Variants in RGS5 observed in about 807,000 individuals in gnomAD.
The protein encoded by RGS5 is regulator of G-protein signalling 5.
A neutral mutation model predicts 18.9 loss-of-function variants in RGS5; 20 were observed. That is an observed-to-expected ratio of 1.06 (90% CI 0.74 to 1.54). The LOEUF (loss-of-function observed/expected upper bound fraction) is 1.54. Among genes scored for constraint, RGS5 ranks in the 40% most tolerant of loss-of-function variants. The pLI is 0.00. For missense variants in RGS5, 201 were observed against 211.8 expected (o/e 0.95, Z 0.32); for synonymous variants, 57 against 76.2 (o/e 0.75, Z 1.31).
At chr1:163,312,279 C>T (rs1330169610) in intron 1 of RGS5, among the ~76,000 whole-genome samples, 1 of 152,228 alleles carries the variant, frequency 6.6e-6, no homozygotes, top group Admixed American at 6.5e-5. Flanking sequence ...CCCAGCCATG[C>T]TGAACTGCGA....
intron 2 of RGS5, among the ~76,000 whole-genome samples, chr1:163,253,959 G>A (rs1389993964): frequency 6.6e-6 from 1 of 151,630 alleles, no homozygotes; most frequent in Non-Finnish European, 1.5e-5. Context: ...TTTCATCCAT[G>A]TCCCTACAAA....
intron 2 of RGS5, among the ~76,000 whole-genome samples, chr1:163,258,054 G>A (rs918977509): frequency 2.0e-5 from 3 of 152,148 alleles, no homozygotes; most frequent in East Asian, 1.9e-4. Context: ...CTCTCAGCAC[G>A]GCTAGGATGC....
intron 2 of RGS5, among the ~76,000 whole-genome samples, chr1:163,228,356 G>A (rs992478512): frequency 6.6e-6 from 1 of 152,220 alleles, no homozygotes; most frequent in Non-Finnish European, 1.5e-5. Flanking sequence ...CCACATGGAA[G>A]CTGCCAAGGC....
rs1208650030 is a variant in RGS5, at chr1:163,159,124, T to TGTTATTCTG, written c.217+2782_217+2790dup. On this transcript the variant is annotated intron_variant, in intron 3 of 4. Coordinates refer to ENST00000313961, the MANE Select transcript of RGS5 (RefSeq NM_003617.4). Reference sequence around the variant, plus strand: ...GTCTCCCTTGTTCCCTGAACATTGCTGTTATTCTGTTCTTTTTTCAAGGTA... The same window carrying TGTTATTCTG: ...GTCTCCCTTGTTCCCTGAACATTGCTGTTATTCTGGTTATTCTGTTCTTTTTTCAAGGTA... Among the ~76,000 whole-genome samples the TGTTATTCTG allele has an allele frequency of 3.9e-5, 6 of 152,352 alleles. No homozygotes were observed. The East Asian group carries it at 1.2e-3, about 29-fold the overall frequency.
At chr1:163,295,356 G>A (rs1649395984) in intron 2 of RGS5, among the ~76,000 whole-genome samples, 1 of 152,082 alleles carries the variant, frequency 6.6e-6, no homozygotes, top group African/African-American at 2.4e-5. Flanking sequence ...AAAAAACTAG[G>A]TTATAATTTA....
chr1:163,320,896 C>T (rs761442910), intron 1 of RGS5, among the ~76,000 whole-genome samples: 129 of 152,268 alleles, frequency 8.5e-4, no homozygotes, highest in Non-Finnish European at 1.5e-3. Flanking sequence ...ACTTTTTTCA[C>T]ATAATTCAGT....
chr1:163,187,083 T>C (rs960568966), intron 1 of RGS5, among the ~76,000 whole-genome samples: 2 of 152,110 alleles, frequency 1.3e-5, no homozygotes, highest in African/African-American at 4.8e-5. Flanking sequence ...ATGTATCCCT[T>C]TCCCTCAGCT....
At chr1:163,203,752 T>C (rs1202222539), upstream of RGS5, among the ~76,000 whole-genome samples, 1 of 152,172 alleles carries the variant, frequency 6.6e-6, no homozygotes, top group East Asian at 1.9e-4. Context: ...TGTAATTCTT[T>C]GTACCTCCCC....
At chr1:163,287,845 C>T (rs1649182621) in intron 2 of RGS5, among the ~76,000 whole-genome samples, 1 of 152,190 alleles carries the variant, frequency 6.6e-6, no homozygotes, top group Admixed American at 6.5e-5. Context: ...TCCTAATGTT[C>T]CAGCATTGAG....
chr1:163,236,225 A>G (rs1413427547), intron 2 of RGS5, among the ~76,000 whole-genome samples: 1 of 152,038 alleles, frequency 6.6e-6, no homozygotes, highest in Non-Finnish European at 1.5e-5. Flanking sequence ...AAAATTTCCC[A>G]AAACACCTCA....
intron 1 of RGS5, among the ~76,000 whole-genome samples, chr1:163,183,308 G>A (rs190150234): frequency 6.6e-6 from 1 of 152,162 alleles, no homozygotes; most frequent in Non-Finnish European, 1.5e-5. Context: ...ACTGATTCAT[G>A]CATTCAATTC....
intron 1 of RGS5, among the ~76,000 whole-genome samples, chr1:163,179,797 T>C (rs1000571007): frequency 6.6e-5 from 10 of 152,214 alleles, no homozygotes; most frequent in East Asian, 5.8e-4. Context: ...ATATATTTAC[T>C]ATATAAATGA....
intron 1 of RGS5, among the ~76,000 whole-genome samples, chr1:163,210,513 A>T (rs1285175813): frequency 1.3e-5 from 2 of 152,188 alleles, no homozygotes; most frequent in Non-Finnish European, 2.9e-5. Flanking sequence ...GCAGTAGAAT[A>T]TAGGGGTTAA....
chr1:163,202,734 C>G (rs1408324061), intron 1 of RGS5, 58 bp downstream of exon 1: 1 of 1,535,220 alleles, frequency 6.5e-7, no homozygotes, highest in Non-Finnish European at 9.0e-7. Flanking sequence ...GGGCAGCCTC[C>G]CTTGAGTAAA....
intron 1 of RGS5, among the ~76,000 whole-genome samples, chr1:163,195,555 G>A (rs1175642234): frequency 6.6e-6 from 1 of 151,464 alleles, no homozygotes; most frequent in East Asian, 1.9e-4. Flanking sequence ...AACATCAACT[G>A]TACCCCAAAA....
intron 1 of RGS5, among the ~76,000 whole-genome samples, chr1:163,308,109 T>C (rs911622852): frequency 1.3e-5 from 2 of 152,130 alleles, no homozygotes; most frequent in African/African-American, 2.4e-5. Context: ...AAAATTTGAG[T>C]TTCAAACAAG....
intron 1 of RGS5, among the ~76,000 whole-genome samples, chr1:163,311,968 A>T (rs1649876443): frequency 6.6e-6 from 1 of 152,212 alleles, no homozygotes; most frequent in Non-Finnish European, 1.5e-5. Context: ...AGATATGTGA[A>T]GTGCAATAAA....
upstream of RGS5, among the ~76,000 whole-genome samples, chr1:163,205,129 C>A (rs559123298): frequency 6.6e-6 from 1 of 151,802 alleles, no homozygotes; most frequent in East Asian, 1.9e-4. Context: ...GCTCTAGAGG[C>A]AGAAAGTAAA....
chr1:163,299,179 AATTATACT>A (rs1391274338), intron 2 of RGS5, among the ~76,000 whole-genome samples: 2 of 152,198 alleles, frequency 1.3e-5, no homozygotes, highest in African/African-American at 4.8e-5. Flanking sequence ...TATAAGAACA[AATTATACT>A]ATTATACAGG....
Sources: gnomAD v4.1 joint callset for allele counts (sites outside exome capture counted in the v4.1 genomes callset) on GRCh38, gnomAD v4.1.1 for gene constraint, MANE v1.5 for transcripts, NCBI Gene and HGNC (gene_info 2026-07-23, HGNC 2026-07-21) for gene names.